The following ANOS1 variants were observed in gnomAD, a reference collection of about 807,000 sequenced individuals.
ANOS1 encodes the protein anosmin-1.
In ANOS1, 6 loss-of-function variants were observed where a neutral mutation model predicts 59.0. The observed-to-expected ratio is 0.10, with a 90% confidence interval of 0.06 to 0.20. The LOEUF (loss-of-function observed/expected upper bound fraction) is 0.20, where lower values mean the gene tolerates loss of function less well. ANOS1 is among the 10% of genes least tolerant of loss of function. The pLI, the probability that ANOS1 is intolerant of heterozygous loss-of-function variation, is 1.00. For synonymous variants in ANOS1, 217 were observed against 223.4 expected, an observed-to-expected ratio of 0.97 and a Z score of 0.25; for missense variants, 433 against 542.3, an observed-to-expected ratio of 0.80 and a Z score of 2.00.
chrX:8,729,991 T>C (rs1407284178), intron 1 of ANOS1, among the ~76,000 whole-genome samples: 1 of 111,369 alleles, frequency 9.0e-6, no homozygotes, highest in Non-Finnish European at 1.9e-5. Context: ...TGTCTAGCAA[T>C]GTGCATTCTG....
At chrX:8,697,546 G>A (rs1237521708) in intron 2 of ANOS1, among the ~76,000 whole-genome samples, 1 of 111,686 alleles carries the variant, frequency 9.0e-6, no homozygotes, top group Non-Finnish European at 1.9e-5. Flanking sequence ...GTGGTTAGAT[G>A]AGATCTATTC....
At chrX:8,592,924 G>A in intron 4 of ANOS1, among the ~76,000 whole-genome samples, 1 of 111,469 alleles carries the variant, frequency 9.0e-6, no homozygotes, top group Non-Finnish European at 1.9e-5. Flanking sequence ...AGTTCTTACA[G>A]CATAGCCCAA....
chrX:8,611,071 T>G (rs1239576259), intron 3 of ANOS1, among the ~76,000 whole-genome samples: 2 of 110,853 alleles, frequency 1.8e-5, no homozygotes, highest in Non-Finnish European at 3.8e-5. Flanking sequence ...ATGCTCCATA[T>G]GCCCAGGAAT....
At chrX:8,554,860 A>C (rs746298482) in intron 8 of ANOS1, among the ~76,000 whole-genome samples, 1 of 110,516 alleles carries the variant, frequency 9.0e-6, no homozygotes, top group African/African-American at 3.3e-5. Flanking sequence ...ACTTGAACTC[A>C]GCTCTGGACC....
Position 8,602,569 on chromosome X carries a change from G to A in ANOS1, c.319-5313C>T, listed in dbSNP as rs971946220. 8.1e-5 allele frequency among the ~76,000 whole-genome samples: 9 copies of A among 111,307 alleles called. No individual in the cohort carries two copies. The East Asian group carries it at 8.5e-4, about 10-fold the overall frequency. ...CATCAATTTTATGGTCAATAAACAC[G>A]TGTGACAACATAGATTCTATGTTCT... On this transcript the variant is annotated intron_variant, in intron 3 of 13. Coordinates refer to ENST00000262648, the MANE Select transcript of ANOS1 (RefSeq NM_000216.4).
intron 8 of ANOS1, among the ~76,000 whole-genome samples, chrX:8,563,162 T>C (rs1452417228): frequency 1.8e-5 from 2 of 112,442 alleles, no homozygotes; most frequent in Non-Finnish European, 3.8e-5. Flanking sequence ...TGTGTTACTA[T>C]AGGTACTTTG....
At chrX:8,597,658 CTTTTTTTTTTTTTTT>C (rs35836743) in intron 3 of ANOS1, among the ~76,000 whole-genome samples, 5 of 25,168 alleles carry the variant, frequency 2.0e-4, no homozygotes, top group African/African-American at 6.8e-4. Context: ...TTCTTTCTCC[CTTTTTTTTTTTTTTT>C]TTTTTTTTTT....
At chrX:8,540,067 A>G (rs1364305386) in intron 9 of ANOS1, among the ~76,000 whole-genome samples, 3 of 110,458 alleles carry the variant, frequency 2.7e-5, no homozygotes, top group African/African-American at 9.9e-5. Context: ...AAATGATTCC[A>G]AAGATGTCTT....
In ANOS1 at chrX:8,699,713, G is replaced by A; in HGVS notation, c.240C>T (p.His80=). The A allele has an allele frequency of 8.3e-7, 1 of 1,200,287 alleles. No homozygotes were observed. Among genetic ancestry groups the A allele is most frequent in the Non-Finnish European group, 1.1e-6 (1 of 887,662 alleles). Residue 80 remains histidine (H), a synonymous_variant, in exon 2 of 14, where the codon CAC becomes CAT. Coordinates refer to ENST00000262648, the MANE Select transcript of ANOS1 (RefSeq NM_000216.4). ...GGAAACGTACCTTAGAACATTGCTT[G>A]TGATTCTGGCACCAAACCAGGGAAC... ...NNGSLVWCQN[H]KQCSKCLEPC... is the part of the protein sequence containing the mutation.
intron 2 of ANOS1, among the ~76,000 whole-genome samples, chrX:8,639,625 G>A (rs1194798459): frequency 9.0e-6 from 1 of 111,692 alleles, no homozygotes; most frequent in Non-Finnish European, 1.9e-5. Context: ...CATGTTTATA[G>A]AAAAACAAGA....
chrX:8,639,824 G>A (rs1931629450), intron 2 of ANOS1, among the ~76,000 whole-genome samples: 2 of 111,896 alleles, frequency 1.8e-5, no homozygotes, highest in African/African-American at 6.5e-5. Flanking sequence ...GAAGTGATAA[G>A]CTTCTCTCTC....
intron 5 of ANOS1, among the ~76,000 whole-genome samples, chrX:8,587,587 A>C (rs1373033289): frequency 1.8e-5 from 2 of 112,072 alleles, no homozygotes; most frequent in Admixed American, 1.9e-4. Flanking sequence ...GAACAAATTA[A>C]GCCAATGGTC....
chrX:8,569,870 A>G (rs1930196196), intron 7 of ANOS1, among the ~76,000 whole-genome samples: 1 of 112,072 alleles, frequency 8.9e-6, no homozygotes, highest in East Asian at 2.8e-4. Context: ...AGGAATCCAA[A>G]TAACTATTTT....
chrX:8,664,266 C>T (rs1215649983), intron 2 of ANOS1, among the ~76,000 whole-genome samples: 2 of 111,984 alleles, frequency 1.8e-5, no homozygotes, highest in African/African-American at 6.5e-5. Context: ...TCTTGGCTCA[C>T]TGCAAGCTCT....
chrX:8,718,791 A>T (rs1932856439), intron 1 of ANOS1, among the ~76,000 whole-genome samples: 1 of 111,809 alleles, frequency 8.9e-6, no homozygotes, highest in South Asian at 3.7e-4. Flanking sequence ...TTACGCCTCT[A>T]GGTGAGCAGA....
chrX:8,579,426 G>A (rs1300660824), intron 6 of ANOS1, among the ~76,000 whole-genome samples: 1 of 112,325 alleles, frequency 8.9e-6, no homozygotes, highest in Non-Finnish European at 1.9e-5. Context: ...TACCATAGAG[G>A]AAGAAGATTA....
Position 8,578,845 on chromosome X carries a change from A to G in ANOS1, c.856+6422T>C, listed in dbSNP as rs773186434. ...AACATGCTTGCCCGCTTTTGGCAAC[A>G]TATCAAAAAAAATGAATTTGGATTT... On this transcript the variant is annotated intron_variant, in intron 6 of 13. Transcript: ENST00000262648. 7.1e-5 allele frequency among the ~76,000 whole-genome samples: 8 copies of G among 112,321 alleles called. No homozygotes were observed. The South Asian group carries it at 2.6e-3, about 36-fold the overall frequency.
chrX:8,626,749 T>C (rs903990902), intron 2 of ANOS1, among the ~76,000 whole-genome samples: 1 of 107,284 alleles, frequency 9.3e-6, no homozygotes, highest in African/African-American at 3.4e-5. Flanking sequence ...TAGTCCTAGC[T>C]TCTCGGGAGG....
intron 3 of ANOS1, among the ~76,000 whole-genome samples, chrX:8,613,091 CA>C (rs1931092331): frequency 8.9e-6 from 1 of 112,484 alleles, no homozygotes; most frequent in African/African-American, 3.2e-5. Flanking sequence ...GTTTACAATG[CA>C]TTGGGGAATA....
Sources: gnomAD v4.1 joint callset for allele counts (sites outside exome capture counted in the v4.1 genomes callset) on GRCh38, gnomAD v4.1.1 for gene constraint, MANE v1.5 for transcripts, NCBI Gene and HGNC (gene_info 2026-07-23, HGNC 2026-07-21) for gene names.